Variants in CSMD1 observed in about 807,000 individuals in gnomAD.
The protein encoded by CSMD1 is CUB and Sushi multiple domains 1, also known as CUB and sushi domain-containing protein 1.
A neutral mutation model predicts 417.5 loss-of-function variants in CSMD1; 213 were observed. The observed-to-expected ratio is 0.51, with a 90% confidence interval of 0.46 to 0.57. The LOEUF (loss-of-function observed/expected upper bound fraction) is 0.57. CSMD1 is among the 20% of genes least tolerant of loss of function. CSMD1 has a pLI of 0.00. For synonymous variants in CSMD1, 2,862 were observed against 1,736.8 expected, an observed-to-expected ratio of 1.65 and a Z score of -16.11; for missense variants, 6,923 against 4,529.7, an observed-to-expected ratio of 1.53 and a Z score of -15.17.
intron 1 of CSMD1, among the ~76,000 whole-genome samples, chr8:4,716,038 A>G (rs569644541): frequency 4.2e-4 from 64 of 152,318 alleles, no homozygotes; most frequent in African/African-American, 1.5e-3. Context: ...TCCAAAGCCA[A>G]CCAATAGTAA....
intron 5 of CSMD1, among the ~76,000 whole-genome samples, chr8:3,900,781 G>C (rs766474011): frequency 3.9e-5 from 6 of 152,176 alleles, no homozygotes; most frequent in Non-Finnish European, 7.4e-5. Flanking sequence ...TGACACTGTA[G>C]CTGGGTGACA....
chr8:2,983,166 A>T (rs1161375806), intron 54 of CSMD1, among the ~76,000 whole-genome samples: 1 of 151,818 alleles, frequency 6.6e-6, no homozygotes, highest in East Asian at 1.9e-4. Flanking sequence ...AACAGAATCT[A>T]TATCTGATAT....
At chr8:4,973,591 G>A (rs1167510341) in intron 1 of CSMD1, among the ~76,000 whole-genome samples, 3 of 152,072 alleles carry the variant, frequency 2.0e-5, no homozygotes, top group Admixed American at 6.6e-5. Context: ...ACATAAAATT[G>A]ACTTAAAGTG....
chr8:3,643,164 G>A (rs972426687), intron 7 of CSMD1, among the ~76,000 whole-genome samples: 1 of 151,974 alleles, frequency 6.6e-6, no homozygotes, highest in Non-Finnish European at 1.5e-5. Flanking sequence ...TATTATAAGT[G>A]AGAGCCACAT....
At chr8:3,791,052 T>C (rs1214296006) in intron 5 of CSMD1, among the ~76,000 whole-genome samples, 2 of 152,240 alleles carry the variant, frequency 1.3e-5, no homozygotes, top group Non-Finnish European at 2.9e-5. Context: ...ATTTTTAATA[T>C]GATTTATGGC....
chr8:4,456,804 C>T (rs1406777494), intron 2 of CSMD1, among the ~76,000 whole-genome samples: 2 of 151,950 alleles, frequency 1.3e-5, no homozygotes, highest in South Asian at 2.1e-4. Flanking sequence ...GAAGAAGCTA[C>T]CTGTGAAGGC....
At chr8:3,410,814 C>G (rs1048800005) in intron 12 of CSMD1, among the ~76,000 whole-genome samples, 5 of 152,136 alleles carry the variant, frequency 3.3e-5, no homozygotes, top group Admixed American at 2.6e-4. Context: ...TCATAGCTCA[C>G]TGCAACTTCC....
chr8:3,752,336 G>A (rs921237802), intron 6 of CSMD1, among the ~76,000 whole-genome samples: 2 of 152,242 alleles, frequency 1.3e-5, no homozygotes, highest in African/African-American at 4.8e-5. Context: ...AATCTAAGAT[G>A]GACAATGTTC....
chr8:4,935,817 G>C (rs937122704), intron 1 of CSMD1, among the ~76,000 whole-genome samples: 1 of 152,206 alleles, frequency 6.6e-6, no homozygotes, highest in Non-Finnish European at 1.5e-5. Flanking sequence ...TTGAGAGAGT[G>C]CTCGGCCTGC....
At chr8:4,951,531 G>C (rs533905843) in intron 1 of CSMD1, among the ~76,000 whole-genome samples, 70 of 139,840 alleles carry the variant, frequency 5.0e-4, no homozygotes, top group African/African-American at 1.7e-3. Flanking sequence ...GGGAGAAAGA[G>C]AAAAGAAAAG....
chr8:3,983,371 C>T (rs1204772567), intron 5 of CSMD1, among the ~76,000 whole-genome samples: 1 of 151,992 alleles, frequency 6.6e-6, no homozygotes, highest in Non-Finnish European at 1.5e-5. Context: ...ACCTCGTGAT[C>T]CCTCTTTCTT....
chr8:3,411,825 T>TATGCACGTATACATGCAC (rs1260679977), intron 12 of CSMD1, among the ~76,000 whole-genome samples: 12 of 64,222 alleles, frequency 1.9e-4, no homozygotes, highest in African/African-American at 5.2e-4. Context: ...TACGTGTATA[T>TATGCACGTATACATGCAC]GTATATATGC....
intron 2 of CSMD1, among the ~76,000 whole-genome samples, chr8:4,479,890 T>C (rs1585143454): frequency 1.3e-5 from 2 of 150,612 alleles, no homozygotes; most frequent in Middle Eastern, 6.9e-3. Context: ...TGCTTGAACC[T>C]GGGAGGCAGA....
intron 23 of CSMD1, among the ~76,000 whole-genome samples, chr8:3,315,654 A>G (rs182010409): frequency 1.4e-5 from 2 of 148,062 alleles, no homozygotes; most frequent in East Asian, 4.0e-4. Flanking sequence ...TTTTTAAAAA[A>G]TAGCAATAGC....
At chr8:3,958,173 AATT>A (rs1418934729) in intron 5 of CSMD1, among the ~76,000 whole-genome samples, 1 of 152,198 alleles carries the variant, frequency 6.6e-6, no homozygotes, top group African/African-American at 2.4e-5. Flanking sequence ...AAGCAAATGA[AATT>A]ATTATTTTGG....
At chr8:3,207,853 T>G (rs4875358) in intron 30 of CSMD1, among the ~76,000 whole-genome samples, 4 of 152,266 alleles carry the variant, frequency 2.6e-5, no homozygotes, top group African/African-American at 9.6e-5. Context: ...TAGGTTTTTA[T>G]GATTTTAAAT....
At chr8:4,237,125 G>A (rs1249369686) in intron 3 of CSMD1, among the ~76,000 whole-genome samples, 1 of 152,084 alleles carries the variant, frequency 6.6e-6, no homozygotes, top group Non-Finnish European at 1.5e-5. Flanking sequence ...TAGCTACTTT[G>A]CACGGAAGCC....
At chr8:4,599,057 G>A (rs533500453) in intron 2 of CSMD1, among the ~76,000 whole-genome samples, 33 of 152,182 alleles carry the variant, frequency 2.2e-4, no homozygotes, top group South Asian at 4.1e-4. Context: ...AAGAATCCAC[G>A]TAACATGAAC....
At chr8:2,939,414 C>A (rs1197191498) in intron 69 of CSMD1, among the ~76,000 whole-genome samples, 1 of 152,184 alleles carries the variant, frequency 6.6e-6, no homozygotes, top group African/African-American at 2.4e-5. Flanking sequence ...AGGAACTATA[C>A]TCATTATTAA....
Sources: gnomAD v4.1 joint callset for allele counts (sites outside exome capture counted in the v4.1 genomes callset) on GRCh38, gnomAD v4.1.1 for gene constraint, MANE v1.5 for transcripts, NCBI Gene and HGNC (gene_info 2026-07-23, HGNC 2026-07-21) for gene names.